ROBO2: variants seen among roughly 807,000 people sequenced by gnomAD.
The protein encoded by ROBO2 is roundabout guidance receptor 2.
A neutral mutation model predicts 160.8 loss-of-function variants in ROBO2; 53 were observed. That is an observed-to-expected ratio of 0.33 (90% confidence interval 0.26 to 0.41). ROBO2 has a LOEUF of 0.41. ROBO2 is among the 10% of genes least tolerant of loss of function. The pLI is 1.00. For synonymous variants in ROBO2, 664 were observed against 611.7 expected, an observed-to-expected ratio of 1.09 and a Z score of -1.26; for missense variants, 1,577 against 1,722.4, an observed-to-expected ratio of 0.92 and a Z score of 1.49.
At chr3:76,278,396 G>A (rs1708052562) in intron 2 of ROBO2, among the ~76,000 whole-genome samples, 1 of 151,958 alleles carries the variant, frequency 6.6e-6, no homozygotes, top group South Asian at 2.1e-4. Context: ...CTAGATTGTT[G>A]AATAGGATAT....
intron 2 of ROBO2, among the ~76,000 whole-genome samples, chr3:76,862,599 T>C (rs552793180): frequency 2.6e-5 from 4 of 152,210 alleles, no homozygotes; most frequent in African/African-American, 9.6e-5. Context: ...AGATTCTCTC[T>C]GTGTCCCTGT....
intron 2 of ROBO2, among the ~76,000 whole-genome samples, chr3:77,175,941 G>C (rs1044432466): frequency 2.8e-4 from 42 of 152,028 alleles, no homozygotes; most frequent in African/African-American, 1.0e-3. Context: ...AATTTTGGAA[G>C]TATCTAGCCA....
At chr3:77,310,531 G>A (rs1022153651) in intron 2 of ROBO2, among the ~76,000 whole-genome samples, 2 of 152,118 alleles carry the variant, frequency 1.3e-5, no homozygotes, top group African/African-American at 2.4e-5. Flanking sequence ...TTGTCTTGAA[G>A]TTCAGTTCAA....
At chr3:76,283,455 T>C (rs1708350802) in intron 2 of ROBO2, among the ~76,000 whole-genome samples, 1 of 151,910 alleles carries the variant, frequency 6.6e-6, no homozygotes, top group African/African-American at 2.4e-5. Context: ...AGCCTTTTGA[T>C]GTCTCAACCT....
At chr3:77,616,373 G>GTTT (rs11393761) in intron 21 of ROBO2, among the ~76,000 whole-genome samples, 1 of 151,158 alleles carries the variant, frequency 6.6e-6, no homozygotes, top group Non-Finnish European at 1.5e-5. Flanking sequence ...AGTTGGAAAG[G>GTTT]TTTTTTTTTA....
intron 2 of ROBO2, among the ~76,000 whole-genome samples, chr3:77,379,111 C>T (rs1048945974): frequency 1.3e-5 from 2 of 152,126 alleles, no homozygotes; most frequent in East Asian, 1.9e-4. Flanking sequence ...CCACGCCCAG[C>T]TAAGTTTTGT....
chr3:76,194,549 CT>C lies in ROBO2; in HGVS notation c.109+256948del, dbSNP rs545592836. On this transcript the variant is annotated intron_variant, in intron 2 of 26. Coordinates refer to the ROBO2 transcript ENST00000487694. ...ATATTTTTAAGTTTTATGTAATAAA[CT>C]CTATAAATTAAGACAAAACAGCAAG... 1.5e-3 allele frequency among the ~76,000 whole-genome samples: 232 copies of C among 151,580 alleles called. 2 individuals carry two copies. The highest frequency in any genetic ancestry group is 5.5e-3 in the African/African-American group (229 of 41,366).
In ROBO2 at chr3:76,146,451, T is replaced by C. The variant is rs189766662; in HGVS notation, c.109+208849T>C. ...CTGAACAAATCCTTTTTCCTCTCTA[T>C]GTCTCTAATCTAGAGAGTGTCTCTG... On this transcript the variant is annotated intron_variant, in intron 2 of 26. Transcript: ENST00000487694. Among the ~76,000 whole-genome samples, 117 of 152,018 alleles carry C rather than the reference T, an allele frequency of 7.7e-4. 2 individuals are homozygous for C. The East Asian group carries it at 0.02, about 26-fold the overall frequency.
At chr3:77,153,292 T>A (rs2077697075) in intron 2 of ROBO2, among the ~76,000 whole-genome samples, 1 of 152,118 alleles carries the variant, frequency 6.6e-6, no homozygotes, top group African/African-American at 2.4e-5. Context: ...TCTATTCAGA[T>A]TTTTTTATTT....
chr3:76,149,082 G>A (rs1325425685), intron 2 of ROBO2, among the ~76,000 whole-genome samples: 2 of 150,906 alleles, frequency 1.3e-5, no homozygotes, highest in Non-Finnish European at 3.0e-5. Flanking sequence ...CACTCACTCA[G>A]TTTTTTTTTG....
intron 2 of ROBO2, among the ~76,000 whole-genome samples, chr3:76,861,531 T>G (rs2070777664): frequency 6.6e-6 from 1 of 152,192 alleles, no homozygotes; most frequent in Non-Finnish European, 1.5e-5. Flanking sequence ...GTTCTGTTCT[T>G]TGCTCTTATC....
At chr3:77,090,568 A>G (rs1485191267) in intron 1 of ROBO2, among the ~76,000 whole-genome samples, 1 of 151,520 alleles carries the variant, frequency 6.6e-6, no homozygotes, top group Non-Finnish European at 1.5e-5. Flanking sequence ...GTTAGCCAGG[A>G]TGGTCTCGAT....
chr3:77,392,723 T>C (rs571190565), intron 2 of ROBO2, among the ~76,000 whole-genome samples: 1 of 152,220 alleles, frequency 6.6e-6, no homozygotes, highest in African/African-American at 2.4e-5. Flanking sequence ...GGTTCTGAGA[T>C]GAACAGCAAA....
rs191702328 is a variant in ROBO2 at position 76,846,694 on chromosome 3, T to C, written c.110-251320T>C. On this transcript the variant is annotated intron_variant, in intron 2 of 26. Coordinates refer to the ROBO2 transcript ENST00000487694. ...ATTAAATAAGCTAAAATAACCTATG[T>C]GCTTAAACTCACAAACTATTTAGTT... 3.9e-5 allele frequency among the ~76,000 whole-genome samples: 6 copies of C among 152,326 alleles called. 1 individual carries two copies. The highest frequency in any genetic ancestry group is 1.4e-4 in the African/African-American group (6 of 41,580).
intron 2 of ROBO2, among the ~76,000 whole-genome samples, chr3:76,929,600 T>G (rs1343840535): frequency 6.6e-6 from 1 of 152,202 alleles, no homozygotes; most frequent in East Asian, 1.9e-4. Context: ...GCAGACAAGA[T>G]GACCCCTTAA....
intron 1 of ROBO2, among the ~76,000 whole-genome samples, chr3:77,068,123 T>C (rs2067052277): frequency 6.6e-6 from 1 of 152,172 alleles, no homozygotes; most frequent in Admixed American, 6.5e-5. Flanking sequence ...TCTTCTGTCA[T>C]TGTTTTCATA....
intron 2 of ROBO2, among the ~76,000 whole-genome samples, chr3:75,984,832 TTAGA>T (rs2065371254): frequency 6.6e-6 from 1 of 151,376 alleles, no homozygotes; most frequent in African/African-American, 2.4e-5. Context: ...TCTGCCTTTC[TTAGA>T]TAATTAGAAG....
chr3:77,450,464 C>T (rs1332359374), intron 2 of ROBO2, among the ~76,000 whole-genome samples: 1 of 151,950 alleles, frequency 6.6e-6, no homozygotes, highest in Non-Finnish European at 1.5e-5. Flanking sequence ...AGATAATAAT[C>T]CCTTGATAAG....
At chr3:76,330,556 T>C (rs1434604310) in intron 2 of ROBO2, among the ~76,000 whole-genome samples, 1 of 152,206 alleles carries the variant, frequency 6.6e-6, no homozygotes, top group African/African-American at 2.4e-5. Flanking sequence ...TATATGGACA[T>C]TTTAAAGTTT....
Sources: allele counts gnomAD v4.1 joint callset (sites outside exome capture counted in the v4.1 genomes callset), GRCh38; gene constraint gnomAD v4.1.1; transcripts MANE v1.5; gene names NCBI Gene and HGNC (gene_info 2026-07-23, HGNC 2026-07-21).